SP4: variants seen among roughly 807,000 people sequenced by gnomAD.
The protein encoded by SP4 is transcription factor Sp4.
A neutral mutation model predicts 72.8 loss-of-function variants in SP4; 19 were observed. The ratio of observed to expected loss-of-function variants is 0.26; its 90% CI spans 0.18 to 0.38. SP4 has a LOEUF of 0.38. Among genes scored for constraint, SP4 ranks in the 10% least tolerant of loss-of-function variants. The probability of loss-of-function intolerance (pLI) is 1.00; values close to 1 mark genes in which losing one functional copy is unlikely to be tolerated. For missense variants in SP4, 1,008 were observed against 926.3 expected (o/e 1.09, Z -1.14); for synonymous variants, 395 against 333.1 (o/e 1.19, Z -2.02).
In SP4 at chr7:21,429,910, A is replaced by G. The variant is rs1053256236; in HGVS notation, c.745A>G (p.Thr249Ala). 10 of 1,614,038 alleles carry G rather than the reference A, an allele frequency of 6.2e-6. No homozygotes were observed. In the African/African-American group the frequency reaches 1.3e-4, roughly 22 times the overall value. The stretch of plus-strand genomic sequence containing the variant: ...ACTGCAGTTACAGACTCTTCCTGGT[A>G]CTCAGGCTCAAGTTGTAACAACCCT... ...IPLQLQTLPG[T>A]QAQVVTTLPI... Residue 249 changes from threonine (T) to alanine (A), a missense_variant, in exon 3 of 6, where the codon ACT becomes GCT. Coordinates refer to ENST00000222584, the MANE Select transcript of SP4 (RefSeq NM_003112.5).
At chr7:21,476,346 G>A (rs749298769) in intron 3 of SP4, among the ~76,000 whole-genome samples, 14 of 144,058 alleles carry the variant, frequency 9.7e-5, no homozygotes, top group Non-Finnish European at 1.8e-4. Flanking sequence ...TTTTTTTATT[G>A]TTGTTTTATT....
intron 3 of SP4, among the ~76,000 whole-genome samples, chr7:21,448,195 A>C (rs1783484387): frequency 6.6e-6 from 1 of 152,246 alleles, no homozygotes; most frequent in Non-Finnish European, 1.5e-5. Flanking sequence ...ACTGAGAAAT[A>C]AAAGAGCTGT....
intron 3 of SP4, among the ~76,000 whole-genome samples, chr7:21,431,119 T>C (rs947732674): frequency 9.2e-5 from 14 of 152,212 alleles, no homozygotes; most frequent in African/African-American, 3.4e-4. Context: ...CATAATTGCC[T>C]TCTGTAATTT....
At chr7:21,486,215 C>A (rs984066132) in intron 5 of SP4, among the ~76,000 whole-genome samples, 2 of 151,068 alleles carry the variant, frequency 1.3e-5, no homozygotes, top group African/African-American at 4.9e-5. Flanking sequence ...TTCTTCCCTG[C>A]AGCTTTATTT....
At chr7:21,431,556 G>A (rs1485569443) in intron 3 of SP4, among the ~76,000 whole-genome samples, 1 of 152,194 alleles carries the variant, frequency 6.6e-6, no homozygotes, top group Non-Finnish European at 1.5e-5. Context: ...GAAAAATGTT[G>A]ACAGTAAAAT....
chr7:21,430,712 C>G lies in SP4; in HGVS notation c.1547C>G (p.Ala516Gly), dbSNP rs139353232. Residue 516 changes from alanine to glycine, a missense_variant, in exon 3 of 6, where the codon GCT (alanine) becomes GGT (glycine). Transcript: ENST00000222584. ...GCTCAGATTGCTCCTGTGGCTGTTG[C>G]TGGTGCCCCAATAACTTTGAATACT... ...TLAQIAPVAV[A>G]GAPITLNTAQ... 109 of 1,614,096 alleles carry G rather than the reference C, an allele frequency of 6.8e-5. No individual in the cohort carries two copies. The highest frequency in any genetic ancestry group is 8.8e-5 in the Non-Finnish European group (104 of 1,180,050).
At chr7:21,434,502 T>C (rs989958621) in intron 3 of SP4, among the ~76,000 whole-genome samples, 2 of 152,236 alleles carry the variant, frequency 1.3e-5, no homozygotes, top group Non-Finnish European at 2.9e-5. Flanking sequence ...CTGACCTTCA[T>C]GCTAAGCATT....
intron 3 of SP4, among the ~76,000 whole-genome samples, chr7:21,442,532 C>T (rs969153504): frequency 1.3e-5 from 2 of 152,170 alleles, no homozygotes; most frequent in African/African-American, 2.4e-5. Context: ...TTTATACAAG[C>T]TGTGAATGAA....
chr7:21,478,016 C>A (rs1208952759), intron 4 of SP4, among the ~76,000 whole-genome samples: 1 of 152,146 alleles, frequency 6.6e-6, no homozygotes, highest in Non-Finnish European at 1.5e-5. Flanking sequence ...AGAATAAATT[C>A]TGTATCTTTT....
At chr7:21,496,637 C>T (rs913186112) in intron 5 of SP4, among the ~76,000 whole-genome samples, 5 of 152,122 alleles carry the variant, frequency 3.3e-5, no homozygotes, top group African/African-American at 4.8e-5. Context: ...TTAACCTACT[C>T]GGAGTTCATT....
At chr7:21,495,417 T>C (rs1781676609) in intron 5 of SP4, among the ~76,000 whole-genome samples, 1 of 151,766 alleles carries the variant, frequency 6.6e-6, no homozygotes, top group African/African-American at 2.4e-5. Context: ...ACAGTTTTTT[T>C]TTTTTAAATG....
chr7:21,437,152 A>G (rs906567031), intron 3 of SP4, among the ~76,000 whole-genome samples: 1 of 152,208 alleles, frequency 6.6e-6, no homozygotes, highest in African/African-American at 2.4e-5. Context: ...AATTTTTTAA[A>G]ACATTCTTAA....
At chr7:21,507,027 C>T (rs1436574394) in intron 5 of SP4, among the ~76,000 whole-genome samples, 1 of 152,100 alleles carries the variant, frequency 6.6e-6, no homozygotes, top group African/African-American at 2.4e-5. Flanking sequence ...TGTTGCCTCT[C>T]CCAGATGGTC....
rs1475324081 is a variant in SP4 at position 21,429,162 on chromosome 7, T to C, written c.124-127T>C. On this transcript the variant is annotated intron_variant, in intron 2 of 5. Transcript: ENST00000222584. ...CTTTTGTTCGTATTTCTTTTTGATT[T>C]CTGCTGCTTCCTAAATTGTTATGTA... The C allele has an allele frequency of 5.0e-6, 3 of 604,440 alleles. No individual in the cohort carries two copies. The East Asian group carries it at 8.3e-5, about 17-fold the overall frequency. The allele number at this position is 604,440 out of a possible 1,614,324, so 37.4% of individuals were successfully genotyped here.
intron 5 of SP4, among the ~76,000 whole-genome samples, chr7:21,491,946 A>G (rs899341169): frequency 6.6e-6 from 1 of 152,236 alleles, no homozygotes; most frequent in Non-Finnish European, 1.5e-5. Flanking sequence ...AGGAAGGGCA[A>G]AAAATAAAAA....
At chr7:21,490,265 A>G (rs1784941416) in intron 5 of SP4, among the ~76,000 whole-genome samples, 1 of 152,234 alleles carries the variant, frequency 6.6e-6, no homozygotes, top group African/African-American at 2.4e-5. Flanking sequence ...CGGGCACTGC[A>G]TAGCAGGTGC....
chr7:21,509,269 C>G (rs555224442), intron 5 of SP4, among the ~76,000 whole-genome samples: 3 of 152,196 alleles, frequency 2.0e-5, no homozygotes, highest in Admixed American at 6.5e-5. Flanking sequence ...GAGCTCTTAT[C>G]AAAATGTGTT....
rs1782221225 is a variant in SP4 at position 21,514,542 on chromosome 7, A to AAC, written c.*3274_*3275insCA. The AAC allele has an allele frequency of 6.6e-6, 1 of 151,838 alleles. No homozygotes were observed. Among genetic ancestry groups the AAC allele is most frequent in the South Asian group, 2.1e-4 (1 of 4,818 alleles). 9.4% of individuals were successfully genotyped at this position (151,838 alleles called of 1,614,324 possible). A position where few individuals can be genotyped will look rare whatever the true frequency, so the allele number is the denominator to read the frequency against. On this transcript the variant is annotated 3_prime_UTR_variant, in exon 6 of 6. Transcript: ENST00000222584. ...GTAAATTTTTTTTGTAAAAAAAAAA[A>AAC]AATGAAAAAAAAAGATGAATCCAGA...
chr7:21,437,553 A>C (rs1348536461), intron 3 of SP4, among the ~76,000 whole-genome samples: 1 of 152,180 alleles, frequency 6.6e-6, no homozygotes, highest in African/African-American at 2.4e-5. Flanking sequence ...ACTGAATTCA[A>C]ATATGAGACA....
Sources: allele counts gnomAD v4.1 joint callset (sites outside exome capture counted in the v4.1 genomes callset), GRCh38; gene constraint gnomAD v4.1.1; transcripts MANE v1.5; gene names NCBI Gene and HGNC (gene_info 2026-07-23, HGNC 2026-07-21).